Variants in DPY19L2 observed in about 807,000 individuals in gnomAD.
DPY19L2 encodes the protein probable C-mannosyltransferase DPY19L2.
In DPY19L2, 34 loss-of-function variants were observed where a neutral mutation model predicts 97.9. That is an observed-to-expected ratio of 0.35 (90% CI 0.26 to 0.46). The LOEUF (loss-of-function observed/expected upper bound fraction) is 0.46. DPY19L2 is among the 20% of genes least tolerant of loss of function. The pLI is 1.00. For missense variants in DPY19L2, 623 were observed against 911.4 expected, an observed-to-expected ratio of 0.68 and a Z score of 4.07; for synonymous variants, 230 against 307.9, an observed-to-expected ratio of 0.75 and a Z score of 2.65.
chr12:63,649,753 G>A (rs1893931406), intron 4 of DPY19L2, among the ~76,000 whole-genome samples: 1 of 152,134 alleles, frequency 6.6e-6, no homozygotes, highest in Non-Finnish European at 1.5e-5. Context: ...AGACATAAAA[G>A]GAGAGCGGAT....
intron 6 of DPY19L2, among the ~76,000 whole-genome samples, chr12:63,636,613 CA>C (rs1181913128): frequency 2.0e-5 from 3 of 151,680 alleles, no homozygotes; most frequent in African/African-American, 7.3e-5. Flanking sequence ...CAAAACAAAA[CA>C]AAACAAAAGG....
chr12:63,654,316 G>A (rs959343660), intron 4 of DPY19L2, among the ~76,000 whole-genome samples: 2 of 152,016 alleles, frequency 1.3e-5, no homozygotes, highest in African/African-American at 4.8e-5. Flanking sequence ...ACTAAAAAAA[G>A]CTTTGTAAAG....
At chr12:63,667,574 A>G (rs972619784) in intron 1 of DPY19L2, among the ~76,000 whole-genome samples, 10 of 152,116 alleles carry the variant, frequency 6.6e-5, no homozygotes, top group Admixed American at 5.2e-4. Context: ...AAAGACCATT[A>G]GACACCAACA....
intron 4 of DPY19L2, among the ~76,000 whole-genome samples, chr12:63,652,919 C>T (rs760208250): frequency 1.5e-4 from 22 of 151,650 alleles, no homozygotes; most frequent in South Asian, 4.1e-4. Flanking sequence ...ATCCCATGAA[C>T]GTAAAATAGA....
chr12:63,569,024 T>C (rs1300444582), intron 21 of DPY19L2, among the ~76,000 whole-genome samples, 200 bp downstream of exon 21: 2 of 152,044 alleles, frequency 1.3e-5, no homozygotes, highest in South Asian at 2.1e-4. Context: ...TTAAATATAC[T>C]ATAATGTTTG....
chr12:63,628,253 C>A (rs1170867303), intron 6 of DPY19L2, among the ~76,000 whole-genome samples: 1 of 152,146 alleles, frequency 6.6e-6, no homozygotes, highest in Non-Finnish European at 1.5e-5. Flanking sequence ...GAGCATGAGC[C>A]AAAGCAGGGC....
chr12:63,625,830 T>A (rs1455872791), intron 7 of DPY19L2, among the ~76,000 whole-genome samples: 1 of 152,024 alleles, frequency 6.6e-6, no homozygotes, highest in African/African-American at 2.4e-5. Flanking sequence ...TCTGGAGATC[T>A]GCTATACAAC....
Position 63,615,628 on chromosome 12 carries a change from G to C in DPY19L2, c.1218+1676C>G, listed in dbSNP as rs1169729784. On this transcript the variant is annotated intron_variant, in intron 11 of 21. Transcript: ENST00000324472. The stretch of plus-strand genomic sequence containing the variant: ...TTCTTCAACAAATAAATTTCATGAG[G>C]ATAAAACCAGGCAGATATGCAGGAA... Among the ~76,000 whole-genome samples, 23 of 152,088 alleles carry C rather than the reference G, an allele frequency of 1.5e-4. 1 individual carries two copies. The highest frequency in any genetic ancestry group is 1.5e-5 in the Non-Finnish European group (1 of 68,020).
intron 7 of DPY19L2, among the ~76,000 whole-genome samples, chr12:63,625,174 G>A (rs1889321237): frequency 6.6e-6 from 1 of 151,996 alleles, no homozygotes; most frequent in Non-Finnish European, 1.5e-5. Context: ...AAGGTGGGTG[G>A]ATCATGAGGT....
At chr12:63,635,004 C>T (rs1028001081) in intron 6 of DPY19L2, among the ~76,000 whole-genome samples, 3 of 152,180 alleles carry the variant, frequency 2.0e-5, no homozygotes, top group East Asian at 1.9e-4. Flanking sequence ...CCCTGACCTC[C>T]GAGTAGCATA....
intron 2 of DPY19L2, 102 bp from the exon 3 acceptor site, chr12:63,663,947 A>G (rs1896012927): frequency 1.4e-6 from 1 of 704,552 alleles, no homozygotes; most frequent in Admixed American, 3.9e-5. Flanking sequence ...ATAAATTGTT[A>G]TATTAATTTT....
chr12:63,635,815 A>G (rs1404602219), intron 6 of DPY19L2, among the ~76,000 whole-genome samples: 1 of 152,224 alleles, frequency 6.6e-6, no homozygotes, highest in Admixed American at 6.5e-5. Context: ...GTGTACCTGA[A>G]AGTGACAGGG....
chr12:63,609,097 T>C (rs529527979), intron 11 of DPY19L2, among the ~76,000 whole-genome samples: 8 of 152,216 alleles, frequency 5.3e-5, no homozygotes, highest in East Asian at 1.9e-4. Flanking sequence ...TATATACTTA[T>C]GTGAAAGAGA....
At chr12:63,649,520 C>T (rs1051065697) in intron 4 of DPY19L2, among the ~76,000 whole-genome samples, 1 of 151,894 alleles carries the variant, frequency 6.6e-6, no homozygotes, top group Non-Finnish European at 1.5e-5. Flanking sequence ...TGTAGAAAAG[C>T]AAAAAACTCT....
rs1214829675 is a variant in DPY19L2, at chr12:63,668,042, C to T, written c.337+15G>A. Reference sequence around the variant, plus strand: ...CATGCGGCTCCCTCCTAGGGCTCTCCTGCCCTCTCCTCACCGATGCCGAGA... The same window carrying T: ...CATGCGGCTCCCTCCTAGGGCTCTCTTGCCCTCTCCTCACCGATGCCGAGA... On this transcript the variant is annotated intron_variant, in intron 1 of 21. Transcript: ENST00000324472. 1.2e-6 allele frequency: 2 copies of T among 1,611,462 alleles called. No individual in the cohort carries two copies. The highest frequency in any genetic ancestry group is 1.7e-6 in the Non-Finnish European group (2 of 1,178,778).
chr12:63,591,988 A>AAAGAAAAGAAAAGAG (rs1565728318), intron 16 of DPY19L2, among the ~76,000 whole-genome samples: 2 of 35,856 alleles, frequency 5.6e-5, no homozygotes, highest in African/African-American at 3.4e-4. Flanking sequence ...GGGGAAGGGA[A>AAAGAAAAGAAAAGAG]GGGAAGGGAG....
intron 6 of DPY19L2, among the ~76,000 whole-genome samples, chr12:63,636,299 A>T (rs1229795480): frequency 6.6e-6 from 1 of 152,180 alleles, no homozygotes; most frequent in Non-Finnish European, 1.5e-5. Flanking sequence ...GAAAGGAACA[A>T]CCGATACCAG....
chr12:63,603,118 G>C (rs894219071), intron 12 of DPY19L2, among the ~76,000 whole-genome samples: 4 of 151,958 alleles, frequency 2.6e-5, no homozygotes, highest in African/African-American at 9.7e-5. Context: ...TTAAAGCAAG[G>C]ATAAGAAGCA....
At chr12:63,608,772 T>C in intron 11 of DPY19L2, 97 bp from the exon 12 acceptor site, 1 of 704,472 alleles carries the variant, frequency 1.4e-6, no homozygotes, top group Admixed American at 3.0e-5. Flanking sequence ...GCCACCCTGT[T>C]CCATCTCAGC....
Sources: allele counts gnomAD v4.1 joint callset (sites outside exome capture counted in the v4.1 genomes callset), GRCh38; gene constraint gnomAD v4.1.1; transcripts MANE v1.5; gene names NCBI Gene and HGNC (gene_info 2026-07-23, HGNC 2026-07-21).